Variants in COL12A1 observed in about 807,000 individuals in gnomAD.
COL12A1 encodes the protein collagen alpha-1(XII) chain.
A neutral mutation model predicts 349.7 loss-of-function variants in COL12A1; 114 were observed. The ratio of observed to expected loss-of-function variants is 0.33; its 90% CI spans 0.28 to 0.38. COL12A1 has a LOEUF of 0.38. Ranked by LOEUF, COL12A1 falls within the 10% of genes least tolerant of loss-of-function variation. COL12A1 has a pLI of 1.00. For synonymous variants in COL12A1, 1,369 were observed against 1,329.0 expected (o/e 1.03, Z -0.66); for missense variants, 3,284 against 3,756.9 (o/e 0.87, Z 3.29).
At chr6:75,194,341 T>A (rs1027291093) in intron 3 of COL12A1, among the ~76,000 whole-genome samples, 4 of 152,214 alleles carry the variant, frequency 2.6e-5, no homozygotes, top group African/African-American at 9.6e-5. Context: ...TTCAGCCTAG[T>A]GTCGATGGAA....
intron 53 of COL12A1, 59 bp downstream of exon 53, chr6:75,106,360 A>G (rs1454201517): frequency 4.2e-6 from 6 of 1,422,084 alleles, no homozygotes; most frequent in Admixed American, 3.4e-5. Flanking sequence ...CCCAGGCACA[A>G]GGGTTTATTA....
chr6:75,205,976 C>A lies in COL12A1; in HGVS notation c.-235G>T. The A allele has an allele frequency of 6.5e-6, 1 of 153,232 alleles. No homozygotes were observed. Among genetic ancestry groups the A allele is most frequent in the Non-Finnish European group, 1.5e-5 (1 of 68,788 alleles). 9.5% of individuals were successfully genotyped at this position (153,232 alleles called of 1,614,324 possible). Reference sequence around the variant, plus strand: ...ATCCCAGGAGGAGAGGCGGGCGCGGCAGGAAGACTGGAGATGGCCTGAGCC... The same window carrying A: ...ATCCCAGGAGGAGAGGCGGGCGCGGAAGGAAGACTGGAGATGGCCTGAGCC... On this transcript the variant is annotated 5_prime_UTR_variant, in exon 1 of 66. Transcript: ENST00000322507.
intron 1 of COL12A1, among the ~76,000 whole-genome samples, chr6:75,203,711 A>G (rs1770638983): frequency 6.6e-6 from 1 of 152,250 alleles, no homozygotes; most frequent in Admixed American, 6.5e-5. Flanking sequence ...CCCAGCACAC[A>G]GTAGGTACTT....
Position 75,113,635 on chromosome 6 carries a change from CTCTG to C in COL12A1, c.7803_7806del (p.Asp2601GlufsTer9). The stretch of plus-strand genomic sequence containing the variant: ...ATCACTCCAACTTGTGGTTTGTAGT[CTCTG>C]TCTGTGATTTGCCAAATTGCAAAAG... On this transcript the variant is annotated frameshift_variant, in exon 50 of 66. Transcript: ENST00000322507. LOFTEE classifies it high-confidence loss of function. The C allele has an allele frequency of 1.2e-6, 2 of 1,610,002 alleles. No homozygotes were observed. The highest frequency in any genetic ancestry group is 1.7e-6 in the Non-Finnish European group (2 of 1,177,338).
intron 34 of COL12A1, among the ~76,000 whole-genome samples, chr6:75,132,930 G>A (rs758648141): frequency 9.2e-5 from 14 of 152,236 alleles, no homozygotes; most frequent in Admixed American, 7.2e-4. Context: ...GTAATGTGCC[G>A]AACAGATTTC....
intron 16 of COL12A1, among the ~76,000 whole-genome samples, chr6:75,154,868 G>T (rs1767675951): frequency 6.6e-6 from 1 of 152,062 alleles, no homozygotes; most frequent in Admixed American, 6.6e-5. Context: ...TAATCTTACT[G>T]TTTCTAAGCA....
At chr6:75,203,715 G>A (rs1229990513) in intron 1 of COL12A1, among the ~76,000 whole-genome samples, 1 of 152,178 alleles carries the variant, frequency 6.6e-6, no homozygotes, top group Non-Finnish European at 1.5e-5. Flanking sequence ...GCACACAGTA[G>A]GTACTTAACC....
At chr6:75,198,327 C>G (rs1161094567) in intron 2 of COL12A1, among the ~76,000 whole-genome samples, 1 of 151,878 alleles carries the variant, frequency 6.6e-6, no homozygotes, top group Non-Finnish European at 1.5e-5. Flanking sequence ...TAGTGGAACA[C>G]TAGGCATAAA....
chr6:75,144,114 C>A (rs930753464), intron 25 of COL12A1, among the ~76,000 whole-genome samples: 1 of 152,164 alleles, frequency 6.6e-6, no homozygotes, highest in Non-Finnish European at 1.5e-5. Flanking sequence ...ATCTCTTCAA[C>A]ATTTTTATCT....
At chr6:75,196,833 C>T (rs1451819989) in intron 2 of COL12A1, among the ~76,000 whole-genome samples, 1 of 152,216 alleles carries the variant, frequency 6.6e-6, no homozygotes, top group African/African-American at 2.4e-5. Flanking sequence ...TGACCTGAAG[C>T]AGCGGACATT....
In COL12A1 at chr6:75,183,050, C is replaced by A. The variant is rs952803259; in HGVS notation, c.1891G>T (p.Ala631Ser). The stretch of plus-strand genomic sequence containing the variant: ...ACTTTTACTCTCAAAGTCTACTAAC[C>A]TTTCTTCTTTATAGCTGCCAATTCT... ...EQELAAIKKK[A>S]YVPPKDLSFS... The change falls in exon 10 of 66, where the codon GCT becomes TCT. Residue 631 changes from alanine (A) to serine (S), a missense_variant and splice_region_variant. Physicochemically the swap from Ala to Ser is moderately conservative, Grantham distance 99. This residue lies in a region of COL12A1 where 2,601 missense variants were observed against 2,824.8 expected (regional missense o/e 0.92). Coordinates refer to ENST00000322507, the MANE Select transcript of COL12A1 (RefSeq NM_004370.6). 1 of 1,594,838 alleles carries A rather than the reference C, an allele frequency of 6.3e-7. No individual in the cohort carries two copies. Among genetic ancestry groups the A allele is most frequent in the Non-Finnish European group, 8.5e-7 (1 of 1,172,742 alleles).
intron 6 of COL12A1, 22 bp downstream of exon 6, chr6:75,189,530 T>TA (rs1317437096): frequency 1.9e-6 from 3 of 1,595,518 alleles, no homozygotes; most frequent in African/African-American, 1.4e-5. Context: ...TTTTTAACTT[T>TA]AAAAAAATCT....
chr6:75,134,133 C>T (rs936915555), intron 32 of COL12A1, 136 bp from the exon 33 acceptor site: 66 of 893,334 alleles, frequency 7.4e-5, no homozygotes, highest in Middle Eastern at 3.2e-4. Flanking sequence ...AGTGAATAAA[C>T]GACACACACT....
rs1218170709 is a variant in COL12A1 at position 75,086,204 on chromosome 6, T to C, written c.*343A>G. The C allele has an allele frequency of 6.3e-6, 1 of 159,960 alleles. No homozygotes were observed. The highest frequency in any genetic ancestry group is 1.4e-5 in the Non-Finnish European group (1 of 73,046). The allele number at this position is 159,960 out of a possible 1,614,324, so 9.9% of individuals were successfully genotyped here. On this transcript the variant is annotated 3_prime_UTR_variant, in exon 66 of 66. Transcript: ENST00000322507. ...TCTCTTTAACCAGGTTAATTGTTTT[T>C]CTTAAAATGGCATAGACTCCTCTGG...
In COL12A1 at chr6:75,090,014, T is replaced by G. The variant is rs1156459710; in HGVS notation, c.8941+96A>C. The G allele has an allele frequency of 7.4e-7, 1 of 1,347,672 alleles. No individual in the cohort carries two copies. The highest frequency in any genetic ancestry group is 1.9e-5 in the Admixed American group (1 of 53,456). 83.5% of individuals were successfully genotyped at this position (1,347,672 alleles called of 1,614,324 possible). Reference sequence around the variant, plus strand: ...TCCAAACAAGACCAGGGAAAGCAGTTTGCCTAGGTCACCTTTCAGATGCCT... The same window carrying G: ...TCCAAACAAGACCAGGGAAAGCAGTGTGCCTAGGTCACCTTTCAGATGCCT... On this transcript the variant is annotated intron_variant, in intron 63 of 65. Coordinates refer to ENST00000322507, the MANE Select transcript of COL12A1 (RefSeq NM_004370.6). The surrounding 1 kb of genome is among the most constrained non-coding windows in gnomAD (Gnocchi z 4.1).
At chr6:75,201,644 T>G (rs1398441838) in intron 2 of COL12A1, among the ~76,000 whole-genome samples, 1 of 151,606 alleles carries the variant, frequency 6.6e-6, no homozygotes, top group Non-Finnish European at 1.5e-5. Context: ...AAAAAAAAGA[T>G]ATCTTTCATG....
Position 75,202,709 on chromosome 6 carries a change from G to T in COL12A1, c.73+11C>A. The T allele has an allele frequency of 2.6e-6, 4 of 1,551,258 alleles. No individual in the cohort carries two copies. Among genetic ancestry groups the T allele is most frequent in the Non-Finnish European group, 3.5e-6 (4 of 1,146,674 alleles). ...CATTGTCACTCGGTGAAGGGGAAGGGAGCCTTTTACCTTCTGCCTCAATGG... is the reference window on the plus strand; with the variant it reads ...CATTGTCACTCGGTGAAGGGGAAGGTAGCCTTTTACCTTCTGCCTCAATGG... On this transcript the variant is annotated intron_variant, in intron 2 of 65. Transcript: ENST00000322507.
intron 42 of COL12A1, 119 bp from the exon 43 acceptor site, chr6:75,123,523 A>G: frequency 1.2e-6 from 1 of 823,374 alleles, no homozygotes; most frequent in Non-Finnish European, 1.9e-6. Flanking sequence ...AAAATGAGAC[A>G]CCATTGTCAT....
Position 75,102,647 on chromosome 6 carries a change from C to A in COL12A1, c.8365G>T (p.Gly2789Cys). 6.4e-7 allele frequency: 1 copy of A among 1,569,866 alleles called. No homozygotes were observed. Among genetic ancestry groups the A allele is most frequent in the Non-Finnish European group, 8.6e-7 (1 of 1,158,996 alleles). ...RGDIGPPGPQ[G>C]PPGPQGPNGL... is the part of the protein sequence containing the mutation. ...TTGGGTCCCTGAGGGCCTGGAGGACCCTGGGGGCCTGGAGGACCTATGTCT... is the reference window on the plus strand; with the variant it reads ...TTGGGTCCCTGAGGGCCTGGAGGACACTGGGGGCCTGGAGGACCTATGTCT... Residue 2789 changes from glycine to cysteine, a missense_variant, in exon 56 of 66, where the codon GGT becomes TGT. Gly to Cys is a radical substitution (Grantham distance 159, BLOSUM62 -3). Around this residue, in one of 2 missense-constraint regions of COL12A1, gnomAD observed 683 missense variants for 932.1 expected, o/e 0.73. Transcript: ENST00000322507.
Sources: allele counts gnomAD v4.1 joint callset (sites outside exome capture counted in the v4.1 genomes callset), GRCh38; gene constraint gnomAD v4.1.1; regional missense constraint gnomAD v4.1.1; non-coding constraint Gnocchi (gnomAD v3.1); transcripts MANE v1.5; gene names NCBI Gene and HGNC (gene_info 2026-07-23, HGNC 2026-07-21).